The following ACTN4 variants were observed in gnomAD, a reference collection of about 807,000 sequenced individuals.
ACTN4 encodes actinin alpha 4, also known as alpha-actinin-4.
Under a neutral mutation model 114.2 loss-of-function variants are expected in ACTN4, and 18 were observed. The observed-to-expected ratio is 0.16, with a 90% confidence interval of 0.11 to 0.23. The LOEUF (loss-of-function observed/expected upper bound fraction) is 0.23. Among genes scored for constraint, ACTN4 ranks in the 10% least tolerant of loss-of-function variants. The pLI is 1.00. For missense variants in ACTN4, 722 were observed against 1,262.9 expected (o/e 0.57, Z 6.49); for synonymous variants, 515 against 506.3 (o/e 1.02, Z -0.23).
intron 11 of ACTN4, among the ~76,000 whole-genome samples, chr19:38,720,835 G>A (rs541255840): frequency 9.8e-5 from 15 of 152,378 alleles, no homozygotes; most frequent in African/African-American, 1.9e-4. Context: ...CTGAGGCAGG[G>A]CCCCTGTAGG....
chr19:38,648,248 G>A (rs143512909), intron 1 of ACTN4: 163 of 219,798 alleles, frequency 7.4e-4, no homozygotes, highest in Middle Eastern at 2.9e-3. Context: ...GGGATCCGAG[G>A]CGGGCTTGAA....
chr19:38,698,322 C>G (rs1247499323), intron 1 of ACTN4, among the ~76,000 whole-genome samples: 1 of 152,164 alleles, frequency 6.6e-6, no homozygotes, highest in Non-Finnish European at 1.5e-5. Context: ...GGTTAGGTGA[C>G]GTGCCCACAT....
intron 1 of ACTN4, among the ~76,000 whole-genome samples, chr19:38,687,227 C>G (rs1029240350): frequency 1.8e-4 from 23 of 130,140 alleles, no homozygotes; most frequent in Admixed American, 1.4e-3. Flanking sequence ...CTGCCTCAGC[C>G]CCCCCAAAGT....
At chr19:38,728,442 T>TCCCCCC in intron 19 of ACTN4, 1 of 874,708 alleles carries the variant, frequency 1.1e-6, no homozygotes. Context: ...CTCCTCCTCC[T>TCCCCCC]CCTCCTCCCC....
At chr19:38,666,087 A>T (rs1966949582) in intron 1 of ACTN4, among the ~76,000 whole-genome samples, 1 of 152,016 alleles carries the variant, frequency 6.6e-6, no homozygotes, top group African/African-American at 2.4e-5. Context: ...GAGGGCTTGG[A>T]GGAGCCCTGC....
intron 1 of ACTN4, among the ~76,000 whole-genome samples, chr19:38,678,334 A>G (rs980491901): frequency 6.1e-4 from 93 of 152,320 alleles, no homozygotes; most frequent in African/African-American, 2.2e-3. Flanking sequence ...AAGCGACAGT[A>G]AAGTGTTTCT....
chr19:38,654,920 G>A (rs1053301653), intron 1 of ACTN4, among the ~76,000 whole-genome samples: 1 of 152,116 alleles, frequency 6.6e-6, no homozygotes, highest in Admixed American at 6.6e-5. Context: ...ATCTGAAGGC[G>A]AGTGGAGTGA....
chr19:38,714,957 C>G (rs1439090215), intron 9 of ACTN4, among the ~76,000 whole-genome samples: 52 of 152,318 alleles, frequency 3.4e-4, no homozygotes, highest in South Asian at 4.1e-4. Context: ...ATAGCAGGCC[C>G]TGTGCAGGTG....
intron 1 of ACTN4, among the ~76,000 whole-genome samples, chr19:38,655,414 C>T (rs772304459): frequency 2.6e-5 from 4 of 152,104 alleles, no homozygotes; most frequent in Non-Finnish European, 4.4e-5. Flanking sequence ...ATCAGGTTTA[C>T]AAGAGAATCA....
At chr19:38,671,702 C>G (rs1967133398) in intron 1 of ACTN4, among the ~76,000 whole-genome samples, 2 of 152,184 alleles carry the variant, frequency 1.3e-5, no homozygotes, top group African/African-American at 4.8e-5. Flanking sequence ...CCATTTTTTC[C>G]TAAACTCTAA....
intron 1 of ACTN4, among the ~76,000 whole-genome samples, chr19:38,660,735 T>C (rs116326111): frequency 0.014 from 2,144 of 152,308 alleles, 57 homozygotes; most frequent in African/African-American, 0.047. Context: ...CAGGTGTTGT[T>C]ACCCTTACAT....
chr19:38,718,071 G>T lies in ACTN4; in HGVS notation c.1288G>T (p.Asp430Tyr). Reference sequence around the variant, plus strand: ...GGCCTCCATCCACGAGGCCTGGACTGACGGTACGGCCCAGCTCTGCCCCAC... The same window carrying T: ...GGCCTCCATCCACGAGGCCTGGACTTACGGTACGGCCCAGCTCTGCCCCAC... ...QKASIHEAWT[D>Y]GKEAMLKHRD... Residue 430 changes from aspartate (D) to tyrosine (Y), a missense_variant, in exon 11 of 21, where the codon GAC (aspartate) becomes TAC (tyrosine). Transcript: ENST00000252699. The T allele has an allele frequency of 6.2e-7, 1 of 1,607,814 alleles. No homozygotes were observed. Among genetic ancestry groups the T allele is most frequent in the Non-Finnish European group, 8.5e-7 (1 of 1,177,190 alleles).
chr19:38,667,344 A>ATG (rs1377713160), intron 1 of ACTN4, among the ~76,000 whole-genome samples: 7 of 151,528 alleles, frequency 4.6e-5, no homozygotes, highest in South Asian at 2.1e-4. Flanking sequence ...GAGTGTGTGT[A>ATG]TGTGTGTGTG....
intron 3 of ACTN4, among the ~76,000 whole-genome samples, chr19:38,703,057 A>G (rs944610609): frequency 6.6e-6 from 1 of 151,900 alleles, no homozygotes; most frequent in Admixed American, 6.6e-5. Flanking sequence ...TGGCGTGTTG[A>G]CAAGTTGGGA....
intron 1 of ACTN4, among the ~76,000 whole-genome samples, chr19:38,653,901 C>T (rs965464930): frequency 6.6e-6 from 1 of 152,192 alleles, no homozygotes; most frequent in Non-Finnish European, 1.5e-5. Flanking sequence ...CAAATACTGT[C>T]ATCCGTGGAG....
chr19:38,654,028 T>C (rs1023044761), intron 1 of ACTN4, among the ~76,000 whole-genome samples: 6 of 152,248 alleles, frequency 3.9e-5, no homozygotes, highest in Non-Finnish European at 7.3e-5. Flanking sequence ...TTTACAGTGT[T>C]GGCAGCCTAG....
At chr19:38,714,691 G>A in intron 9 of ACTN4, 130 bp downstream of exon 9, 1 of 968,150 alleles carries the variant, frequency 1.0e-6, no homozygotes, top group Non-Finnish European at 1.6e-6. Context: ...CACAGACCAT[G>A]GCATTTAGCC....
chr19:38,700,573 G>A (rs376206273), intron 1 of ACTN4, 27 bp from the exon 2 acceptor site: 13 of 1,586,614 alleles, frequency 8.2e-6, no homozygotes, highest in East Asian at 4.5e-5. Flanking sequence ...CTGACTCTGC[G>A]CACTGTCCTT....
In ACTN4 at chr19:38,710,285, G is replaced by A. The variant is rs768489414; in HGVS notation, c.762G>A (p.Glu254=). The change falls in exon 8 of 21, where the codon GAG becomes GAA. Residue 254 remains glutamate (E), a synonymous_variant. Transcript: ENST00000252699. ...TCGTGAACACGGCCCGGCCCGACGA[G>A]AAGGCCATAATGACCTATGTGTCCA... The part of the protein sequence containing the change: ...EDIVNTARPD[E]KAIMTYVSSF... 12 of 1,614,150 alleles carry A rather than the reference G, an allele frequency of 7.4e-6. No individual in the cohort carries two copies. The highest frequency in any genetic ancestry group is 1.6e-4 in the Middle Eastern group (1 of 6,062).
Sources: allele counts gnomAD v4.1 joint callset (sites outside exome capture counted in the v4.1 genomes callset), GRCh38; gene constraint gnomAD v4.1.1; transcripts MANE v1.5; gene names NCBI Gene and HGNC (gene_info 2026-07-23, HGNC 2026-07-21).